The following COL17A1 variants were observed in gnomAD, a reference collection of about 807,000 sequenced individuals.
The protein encoded by COL17A1 is collagen alpha-1(XVII) chain.
Under a neutral mutation model 218.4 loss-of-function variants are expected in COL17A1, and 181 were observed. The ratio of observed to expected loss-of-function variants is 0.83; its 90% confidence interval spans 0.73 to 0.94. The LOEUF (loss-of-function observed/expected upper bound fraction) is 0.94, where lower values mean the gene tolerates loss of function less well. COL17A1 is among the 40% of genes least tolerant of loss of function. The pLI, the probability that COL17A1 is intolerant of heterozygous loss-of-function variation, is 0.00. For synonymous variants in COL17A1, 721 were observed against 731.0 expected, an observed-to-expected ratio of 0.99 and a Z score of 0.22; for missense variants, 1,924 against 1,945.9, an observed-to-expected ratio of 0.99 and a Z score of 0.21.
Position 104,046,797 on chromosome 10 carries a change from G to A in COL17A1, c.2336-24C>T, listed in dbSNP as rs370058698. On this transcript the variant is annotated intron_variant, in intron 31 of 55. Transcript: ENST00000648076. ...ACCTGCAGAAAATCAGACACAAGAG[G>A]GAAGAGTTGAAGGGTGGAGGCCATC... is the stretch of plus-strand genomic sequence containing the variant. 3.7e-6 allele frequency: 6 copies of A among 1,612,934 alleles called. No homozygotes were observed. The African/African-American group carries it at 8.0e-5, about 22-fold the overall frequency.
In COL17A1 at chr10:104,034,161, C is replaced by T. The variant is rs1467468306; in HGVS notation, c.3940G>A (p.Gly1314Arg). Residue 1314 changes from glycine to arginine, a missense_variant, in exon 52 of 56, where the codon GGA becomes AGA. Coordinates refer to ENST00000648076, the MANE Select transcript of COL17A1 (RefSeq NM_000494.4). ...GSSYSSSMSTGGGGAGSLGAG... is the reference protein window; with the variant it reads ...GSSYSSSMSTRGGGAGSLGAG... The stretch of plus-strand genomic sequence containing the variant: ...CCCAGGGAGCCTGCACCACCTCCTC[C>T]TGTGCTCATGGAAGAGCTGTAGGAG... 2 of 1,613,648 alleles carry T rather than the reference C, an allele frequency of 1.2e-6. No homozygotes were observed. Among genetic ancestry groups the T allele is most frequent in the Non-Finnish European group, 1.7e-6 (2 of 1,179,990 alleles).
intron 7 of COL17A1, 104 bp from the exon 8 acceptor site, chr10:104,072,183 A>G: frequency 6.5e-7 from 1 of 1,529,168 alleles, no homozygotes; most frequent in Non-Finnish European, 8.9e-7. Flanking sequence ...CTGCTCTGAC[A>G]TTTCTGAGCT....
intron 47 of COL17A1, 119 bp from the exon 48 acceptor site, chr10:104,036,751 TG>T: frequency 2.3e-6 from 3 of 1,290,316 alleles, no homozygotes; most frequent in Non-Finnish European, 3.3e-6. Context: ...TTGTGAGTTC[TG>T]GGTCCGCAGG....
At chr10:104,034,905 A>G (rs1008751722) in intron 50 of COL17A1, 138 bp from the exon 51 acceptor site, 11 of 1,065,194 alleles carry the variant, frequency 1.0e-5, no homozygotes, top group Non-Finnish European at 1.5e-5. Context: ...GGAGGAGAGA[A>G]AAGCAGGAGG....
chr10:104,050,161 T>C (rs1033164661), intron 27 of COL17A1, 37 bp from the exon 28 acceptor site: 1 of 1,612,962 alleles, frequency 6.2e-7, no homozygotes, highest in Non-Finnish European at 8.5e-7. Flanking sequence ...AAAGCCACAG[T>C]TGTGAGCAAG....
Position 104,061,386 on chromosome 10 carries a change from A to T in COL17A1, c.979+19T>A. 6.2e-7 allele frequency: 1 copy of T among 1,611,384 alleles called. No individual in the cohort carries two copies. The highest frequency in any genetic ancestry group is 8.5e-7 in the Non-Finnish European group (1 of 1,178,700). Reference sequence around the variant, plus strand: ...CCTGTGCACCAGCCTGAACCCTGGCAGCTGGGAGCAGCACTCACCGGCGGA... The same window carrying T: ...CCTGTGCACCAGCCTGAACCCTGGCTGCTGGGAGCAGCACTCACCGGCGGA... On this transcript the variant is annotated intron_variant, in intron 13 of 55. Coordinates refer to ENST00000648076, the MANE Select transcript of COL17A1 (RefSeq NM_000494.4).
chr10:104,071,298 G>C (rs531552746), intron 8 of COL17A1, among the ~76,000 whole-genome samples: 50 of 152,288 alleles, frequency 3.3e-4, no homozygotes, highest in Admixed American at 1.7e-3. Context: ...GAAGGACTCA[G>C]GTGAGAAGGT....
intron 17 of COL17A1, among the ~76,000 whole-genome samples, chr10:104,056,672 T>C (rs1197466359): frequency 6.6e-6 from 1 of 152,212 alleles, no homozygotes; most frequent in African/African-American, 2.4e-5. Context: ...AAGAAAGTCC[T>C]GACCTTGTTA....
chr10:104,050,050 T>C, intron 28 of COL17A1, 39 bp downstream of exon 28: 2 of 1,613,930 alleles, frequency 1.2e-6, no homozygotes, highest in East Asian at 4.5e-5. Context: ...TTTACAAAAG[T>C]CGTGGATAGA....
chr10:104,080,547 ATTAC>A, intron 2 of COL17A1, 71 bp downstream of exon 2: 1 of 1,527,852 alleles, frequency 6.5e-7, no homozygotes, highest in East Asian at 2.4e-5. Context: ...TTATTAATGA[ATTAC>A]TTATTCTGTT....
At chr10:104,057,590 G>A (rs929463394) in intron 16 of COL17A1, among the ~76,000 whole-genome samples, 3 of 151,014 alleles carry the variant, frequency 2.0e-5, no homozygotes, top group Non-Finnish European at 4.4e-5. Context: ...AACCTAGAGC[G>A]TTCCCATCTC....
chr10:104,031,643 G>GAT lies in COL17A1; in HGVS notation c.*590_*591dup, dbSNP rs1844684294. The GAT allele has an allele frequency of 6.4e-6, 1 of 157,444 alleles. No homozygotes were observed. The highest frequency in any genetic ancestry group is 6.0e-5 in the Admixed American group (1 of 16,680). The allele number at this position is 157,444 out of a possible 1,614,324, so 9.8% of individuals were successfully genotyped here. ...AGACTTTCTAAGCAAATGGGAATGT[G>GAT]ATATACATATAACCATTAGAAACCC... On this transcript the variant is annotated 3_prime_UTR_variant, in exon 56 of 56. Coordinates refer to ENST00000648076, the MANE Select transcript of COL17A1 (RefSeq NM_000494.4).
intron 46 of COL17A1, among the ~76,000 whole-genome samples, 169 bp from the exon 47 acceptor site, chr10:104,037,282 T>C (rs887958751): frequency 3.3e-5 from 3 of 90,696 alleles, no homozygotes; most frequent in Non-Finnish European, 7.2e-5. Context: ...AATACTGTTG[T>C]TGGGATTTTT....
chr10:104,055,282 G>GAACA, intron 19 of COL17A1, 90 bp downstream of exon 19: 1 of 1,596,608 alleles, frequency 6.3e-7, no homozygotes, highest in Non-Finnish European at 8.6e-7. Flanking sequence ...CTTCCATTTA[G>GAACA]AACAAAGAAA....
Position 104,050,097 on chromosome 10 carries a change from C to G in COL17A1, c.2156G>C (p.Gly719Ala). Reference sequence around the variant, plus strand: ...TCCCATGACAGACTGACCTGTGAGGCCTCGAGGTCCTTTCTCACCCTGGTC... The same window carrying G: ...TCCCATGACAGACTGACCTGTGAGGGCTCGAGGTCCTTTCTCACCCTGGTC... ...KGDQGEKGPR[G>A]LTGEPGMRGL... Residue 719 changes from glycine (G) to alanine (A), a missense_variant, in exon 28 of 56, where the codon GGC becomes GCC. Transcript: ENST00000648076. 6.2e-7 allele frequency: 1 copy of G among 1,614,102 alleles called. No homozygotes were observed. Among genetic ancestry groups the G allele is most frequent in the Non-Finnish European group, 8.5e-7 (1 of 1,180,002 alleles).
At chr10:104,062,480 T>C in intron 11 of COL17A1, 151 bp from the exon 12 acceptor site, 1 of 1,077,236 alleles carries the variant, frequency 9.3e-7, no homozygotes, top group Non-Finnish European at 1.4e-6. Flanking sequence ...CTTTGTAACG[T>C]AGTAAATTTG....
chr10:104,077,430 A>C lies in COL17A1; in HGVS notation c.194T>G (p.Ile65Arg). The C allele has an allele frequency of 4.3e-6, 7 of 1,612,128 alleles. No homozygotes were observed. The highest frequency in any genetic ancestry group is 5.9e-6 in the Non-Finnish European group (7 of 1,179,304). The change falls in exon 4 of 56, where the codon ATA becomes AGA. Residue 65 changes from isoleucine to arginine, a missense_variant. Physicochemically the swap from Ile to Arg is moderately conservative, Grantham distance 97 (BLOSUM62 -3). Coordinates refer to ENST00000648076, the MANE Select transcript of COL17A1 (RefSeq NM_000494.4). The stretch of plus-strand genomic sequence containing the variant: ...CACTAGTGGGCACTCACTTGAGTTT[A>C]TGTAGCCGCTGCTGCCATGAGTCAG... The part of the protein sequence containing the change: ...QSLTHGSSGY[I>R]NSTGSTRGHA...
In COL17A1 at chr10:104,032,744, G is replaced by A; in HGVS notation, c.4368C>T (p.Gly1456=). ...CAGGATGACCTGGTGGCCCAGCAGG[G>A]CCCCTGTCACCTGGAAGGAAAAATG... ...MGTPGPKGDR[G]PAGPPGHPGP... is the part of the protein sequence containing the mutation. The change falls in exon 55 of 56, where the codon GGC becomes GGT. Residue 1456 remains glycine (G), a synonymous_variant. Coordinates refer to ENST00000648076, the MANE Select transcript of COL17A1 (RefSeq NM_000494.4). 6.2e-7 allele frequency: 1 copy of A among 1,614,164 alleles called. No individual in the cohort carries two copies. The highest frequency in any genetic ancestry group is 1.1e-5 in the South Asian group (1 of 91,076).
At chr10:104,039,940 C>T (rs1171952220) in intron 41 of COL17A1, 33 bp downstream of exon 41, 3 of 1,614,136 alleles carry the variant, frequency 1.9e-6, no homozygotes, top group Non-Finnish European at 2.5e-6. Context: ...CCACCCCTAC[C>T]CCAGGTTTTG....
Sources: gnomAD v4.1 joint callset for allele counts (sites outside exome capture counted in the v4.1 genomes callset) on GRCh38, gnomAD v4.1.1 for gene constraint, MANE v1.5 for transcripts, NCBI Gene and HGNC (gene_info 2026-07-23, HGNC 2026-07-21) for gene names.